The following COL4A4 variants were observed in gnomAD, a reference collection of about 807,000 sequenced individuals.
COL4A4 encodes collagen type IV alpha 4 chain.
Under a neutral mutation model 192.9 loss-of-function variants are expected in COL4A4, and 105 were observed. The observed-to-expected ratio is 0.54, with a 90% CI of 0.46 to 0.64. The LOEUF (loss-of-function observed/expected upper bound fraction) is 0.64, where lower values mean the gene tolerates loss of function less well. Among genes scored for constraint, COL4A4 ranks in the 30% least tolerant of loss-of-function variants. The pLI is 0.00. For missense variants in COL4A4, 1,967 were observed against 2,169.3 expected, an observed-to-expected ratio of 0.91 and a Z score of 1.85; for synonymous variants, 762 against 769.9, an observed-to-expected ratio of 0.99 and a Z score of 0.17.
At chr2:226,988,322 A>G in the COL4A4 span, 1 of 1,548,312 alleles carries the variant, frequency 6.5e-7, no homozygotes, top group Non-Finnish European at 8.7e-7. Flanking sequence ...CCCCACCTGA[A>G]CATCTGCAGG....
chr2:226,970,789 C>T, the COL4A4 span, among the ~76,000 whole-genome samples: 51 of 152,272 alleles, frequency 3.3e-4, 1 homozygote, highest in Non-Finnish European at 2.6e-4. Context: ...CTCAGGGATG[C>T]GACTTTCTTC....
chr2:227,094,414 G>T, intron 19 of COL4A4, 125 bp from the exon 20 acceptor site: 3 of 899,800 alleles, frequency 3.3e-6, no homozygotes. Context: ...AGACGGAGCT[G>T]GAGGTCATTA....
chr2:227,148,784 T>C (rs1307958090), intron 1 of COL4A4, among the ~76,000 whole-genome samples: 1 of 151,936 alleles, frequency 6.6e-6, no homozygotes, highest in African/African-American at 2.4e-5. Context: ...TTAAAAGACC[T>C]GTCTCTATGA....
intron 4 of COL4A4, among the ~76,000 whole-genome samples, chr2:227,126,577 C>CT (rs1483685558): frequency 6.6e-6 from 1 of 152,142 alleles, no homozygotes; most frequent in African/African-American, 2.4e-5. Flanking sequence ...TAAATTTCTC[C>CT]TTTTTTACAA....
At chr2:227,021,587 A>G (rs1966015082) in intron 44 of COL4A4, among the ~76,000 whole-genome samples, 1 of 152,256 alleles carries the variant, frequency 6.6e-6, no homozygotes, top group East Asian at 1.9e-4. Flanking sequence ...GCACTTTGGG[A>G]GGCTGAGGCA....
At chr2:227,119,703 A>C (rs1382437252) in intron 6 of COL4A4, among the ~76,000 whole-genome samples, 192 bp downstream of exon 6, 1 of 148,732 alleles carries the variant, frequency 6.7e-6, no homozygotes, top group Non-Finnish European at 1.5e-5. Context: ...ATATATGTAG[A>C]TATATATTAT....
chr2:227,047,446 G>C, intron 35 of COL4A4, 29 bp downstream of exon 35: 2 of 1,552,474 alleles, frequency 1.3e-6, no homozygotes, highest in Non-Finnish European at 1.8e-6. Context: ...TACTTTTTTT[G>C]TTTTAGTAAG....
intron 2 of COL4A4, among the ~76,000 whole-genome samples, chr2:227,145,346 C>T (rs1323574740): frequency 6.6e-6 from 1 of 152,130 alleles, no homozygotes; most frequent in Non-Finnish European, 1.5e-5. Context: ...ACTCCGGAGG[C>T]TGAGATAAGA....
At chr2:227,010,565 G>A in intron 45 of COL4A4, 64 bp from the exon 46 acceptor site, 1 of 1,337,146 alleles carries the variant, frequency 7.5e-7, no homozygotes, top group Non-Finnish European at 1.0e-6. Context: ...AATATGTTAA[G>A]CACCTCTGTT....
intron 47 of COL4A4, 80 bp downstream of exon 47, chr2:227,007,938 G>A: frequency 6.5e-7 from 1 of 1,537,566 alleles, no homozygotes; most frequent in Middle Eastern, 1.9e-4. Context: ...CAGAATTACT[G>A]TCCAATCCAG....
chr2:227,030,721 A>AAG (rs1968107466), intron 40 of COL4A4, 123 bp from the exon 41 acceptor site: 1 of 674,820 alleles, frequency 1.5e-6, no homozygotes, highest in East Asian at 2.8e-5. Context: ...AGAGAATTAG[A>AAG]AGAATAAGAA....
intron 8 of COL4A4, 45 bp from the exon 9 acceptor site, chr2:227,111,758 TA>T: frequency 1.3e-6 from 2 of 1,573,810 alleles, no homozygotes; most frequent in Non-Finnish European, 8.7e-7. Flanking sequence ...ACAATGTTCC[TA>T]AAACAGAGAT....
chr2:227,121,463 G>A lies in COL4A4; in HGVS notation c.193-315C>T, dbSNP rs138638571. The stretch of plus-strand genomic sequence containing the variant: ...GCCTGTAGTCCCAGCTATTCGGGAG[G>A]CTGAGGTGGAGAATCACTTGAGCCT... On this transcript the variant is annotated intron_variant, in intron 4 of 47. Coordinates refer to ENST00000396625, the MANE Select transcript of COL4A4 (RefSeq NM_000092.5). Among the ~76,000 whole-genome samples, 921 of 151,650 alleles carry A rather than the reference G, an allele frequency of 6.1e-3. 7 individuals carry two copies. The highest frequency in any genetic ancestry group is 0.021 in the African/African-American group (855 of 41,292).
intron 6 of COL4A4, among the ~76,000 whole-genome samples, chr2:227,119,346 A>C (rs2061653873): frequency 6.6e-6 from 1 of 151,410 alleles, no homozygotes; most frequent in Non-Finnish European, 1.5e-5. Context: ...AGAGTTTGCT[A>C]TGTATAATAT....
At chr2:227,098,124 CT>C (rs1559615844) in intron 19 of COL4A4, among the ~76,000 whole-genome samples, 1 of 152,078 alleles carries the variant, frequency 6.6e-6, no homozygotes, top group East Asian at 1.9e-4. Context: ...GGGAAGAAGA[CT>C]TTTTTAAAGT....
Position 227,050,010 on chromosome 2 carries a change from G to A in COL4A4, c.3214+58C>T, listed in dbSNP as rs1344600397. ...CATGTAAAAGGCACTTGTTTACAATGTTATAAACATTCGGGACTATGCATT... is the reference window on the plus strand; with the variant it reads ...CATGTAAAAGGCACTTGTTTACAATATTATAAACATTCGGGACTATGCATT... On this transcript the variant is annotated intron_variant, in intron 34 of 47. Transcript: ENST00000396625. 2.0e-6 allele frequency: 3 copies of A among 1,509,628 alleles called. No individual in the cohort carries two copies. The East Asian group carries it at 6.7e-5, about 34-fold the overall frequency. 93.5% of individuals were successfully genotyped at this position (1,509,628 alleles called of 1,614,324 possible).
At chr2:227,109,027 G>T in intron 10 of COL4A4, 159 bp from the exon 11 acceptor site, 1 of 910,846 alleles carries the variant, frequency 1.1e-6, no homozygotes, top group South Asian at 1.3e-5. Flanking sequence ...TTTCTGTGAA[G>T]ATGATGTCAG....
chr2:226,981,560 G>GCA, the COL4A4 span, among the ~76,000 whole-genome samples: 16 of 96,750 alleles, frequency 1.7e-4, no homozygotes, highest in African/African-American at 2.7e-4. Flanking sequence ...TCATCCACAT[G>GCA]CACACACATA....
intron 19 of COL4A4, among the ~76,000 whole-genome samples, chr2:227,097,191 G>C (rs1450495259): frequency 6.6e-6 from 1 of 152,164 alleles, no homozygotes; most frequent in African/African-American, 2.4e-5. Flanking sequence ...CCTGCCAACA[G>C]GGAGAATGGG....
Sources: gnomAD v4.1 joint callset for allele counts (sites outside exome capture counted in the v4.1 genomes callset) on GRCh38, gnomAD v4.1.1 for gene constraint, MANE v1.5 for transcripts, NCBI Gene and HGNC (gene_info 2026-07-23, HGNC 2026-07-21) for gene names.